Variants in PCBP3 observed in about 807,000 individuals in gnomAD.
The protein encoded by PCBP3 is poly(rC) binding protein 3, also known as poly(rC)-binding protein 3.
Under a neutral mutation model 52.7 loss-of-function variants are expected in PCBP3, and 25 were observed. The ratio of observed to expected loss-of-function variants is 0.47; its 90% confidence interval spans 0.35 to 0.66. The LOEUF (loss-of-function observed/expected upper bound fraction) is 0.66. Ranked by LOEUF, PCBP3 falls within the 30% of genes least tolerant of loss-of-function variation. The pLI is 0.01. For synonymous variants in PCBP3, 162 were observed against 183.0 expected, an observed-to-expected ratio of 0.89 and a Z score of 0.93; for missense variants, 391 against 490.3, an observed-to-expected ratio of 0.80 and a Z score of 1.91.
At position 45,788,170 on chromosome 21, in the gene PCBP3, C is replaced by A. The variant is rs1169409383; in HGVS notation, c.-126+32718C>A. The A allele has an allele frequency of 1.3e-5, 2 of 152,516 alleles. No individual in the cohort carries two copies. Among genetic ancestry groups the A allele is most frequent in the African/African-American group, 4.8e-5 (2 of 41,562 alleles). The allele number at this position is 152,516 out of a possible 1,614,324, so 9.4% of individuals were successfully genotyped here. On this transcript the variant is annotated intron_variant, in intron 4 of 17. Transcript: ENST00000681687. This position sits in a 1 kb window ranked among gnomAD's most constrained non-coding sequence, Gnocchi z 4.3. ...GTACTGAATTCAAGTAACAAGGTGT[C>A]CTGTGAACCCCCCACAGTCAGATGG...
intron 4 of PCBP3, among the ~76,000 whole-genome samples, chr21:45,784,597 A>G (rs2146180450): frequency 6.6e-6 from 1 of 151,398 alleles, no homozygotes; most frequent in East Asian, 1.9e-4. Flanking sequence ...AGTGCCTGCA[A>G]TTGCAGGCGC....
At chr21:45,939,939 C>G (rs1169336626) in intron 16 of PCBP3, 91 bp from the exon 17 acceptor site, 1 of 1,204,218 alleles carries the variant, frequency 8.3e-7, no homozygotes, top group East Asian at 2.3e-5. Flanking sequence ...GCTGGCGGCC[C>G]GTCCCACCGG....
At position 45,724,995 on chromosome 21, in the gene PCBP3, A is replaced by G. The variant is rs567050682; in HGVS notation, c.-199-10397A>G. Among the ~76,000 whole-genome samples the G allele has an allele frequency of 2.0e-5, 3 of 152,320 alleles. No homozygotes were observed. Among genetic ancestry groups the G allele is most frequent in the Non-Finnish European group, 2.9e-5 (2 of 68,020 alleles). On this transcript the variant is annotated intron_variant, in intron 2 of 17. Coordinates refer to ENST00000681687, the MANE Select transcript of PCBP3 (RefSeq NM_001384156.1). The surrounding 1 kb of genome is among the most constrained non-coding windows in gnomAD (Gnocchi z 5.3). ...TGAGCCGTTAAGTATGGCAGTTTGTATCATGGTTAAATCTGCAGAAGGTGT... is the reference window on the plus strand; with the variant it reads ...TGAGCCGTTAAGTATGGCAGTTTGTGTCATGGTTAAATCTGCAGAAGGTGT...
At chr21:45,644,283 A>G (rs1056646500) in intron 1 of PCBP3, among the ~76,000 whole-genome samples, 2 of 151,506 alleles carry the variant, frequency 1.3e-5, no homozygotes, top group Non-Finnish European at 2.9e-5. Flanking sequence ...CGGCGGCTGG[A>G]GGGCGGCGGG....
At chr21:45,938,227 C>T (rs1199246117) in intron 16 of PCBP3, among the ~76,000 whole-genome samples, 3 of 152,250 alleles carry the variant, frequency 2.0e-5, no homozygotes, top group Non-Finnish European at 2.9e-5. Context: ...CAAGGCTTTC[C>T]GTGCTGTGCG....
At chr21:45,767,430 A>G (rs142367118) in intron 4 of PCBP3, among the ~76,000 whole-genome samples, 122 of 152,224 alleles carry the variant, frequency 8.0e-4, no homozygotes, top group African/African-American at 2.9e-3. Context: ...TACCACATCC[A>G]CTTATTGATT....
chr21:45,935,630 GA>G, intron 16 of PCBP3: 1 of 444,190 alleles, frequency 2.3e-6, no homozygotes, highest in Non-Finnish European at 4.3e-6. Context: ...GCCAAACCTT[GA>G]AGAACAAGGT....
chr21:45,757,800 G>A (rs561887451), intron 4 of PCBP3, among the ~76,000 whole-genome samples: 1 of 152,206 alleles, frequency 6.6e-6, no homozygotes, highest in African/African-American at 2.4e-5. Flanking sequence ...CTATGGAATG[G>A]TCTTAGTATT....
intron 2 of PCBP3, among the ~76,000 whole-genome samples, chr21:45,701,857 G>A (rs1224661280): frequency 6.6e-6 from 1 of 152,084 alleles, no homozygotes; most frequent in East Asian, 1.9e-4. Context: ...ACCTCACCCA[G>A]CCCCAAAATA....
chr21:45,740,601 AGTGT>A (rs1266826184), intron 3 of PCBP3, among the ~76,000 whole-genome samples: 2 of 141,860 alleles, frequency 1.4e-5, no homozygotes, highest in East Asian at 2.0e-4. Context: ...TGTGCATGTG[AGTGT>A]GTGTGTGGTG....
chr21:45,753,616 T>C (rs1372864502), intron 3 of PCBP3, among the ~76,000 whole-genome samples: 1 of 152,060 alleles, frequency 6.6e-6, no homozygotes, highest in African/African-American at 2.4e-5. Context: ...CTCAACTTTC[T>C]TATTTTTTCT....
chr21:45,834,728 G>A (rs1356034482), intron 4 of PCBP3, among the ~76,000 whole-genome samples: 1 of 152,244 alleles, frequency 6.6e-6, no homozygotes, highest in Admixed American at 6.5e-5. Flanking sequence ...TCTCAGAGGG[G>A]GCCCACGAGG....
chr21:45,713,842 G>A (rs529385596), intron 2 of PCBP3, among the ~76,000 whole-genome samples: 1 of 152,362 alleles, frequency 6.6e-6, no homozygotes, highest in African/African-American at 2.4e-5. Flanking sequence ...CTGTTGTCTT[G>A]GCCCTGCTTC....
chr21:45,784,420 C>CCCTACCTCCTACCT (rs537648185), intron 4 of PCBP3, among the ~76,000 whole-genome samples: 35 of 125,262 alleles, frequency 2.8e-4, no homozygotes, highest in Admixed American at 8.4e-4. Context: ...CTACCGCTAC[C>CCCTACCTCCTACCT]CCTACCTCCT....
chr21:45,824,252 T>A (rs1555957512), intron 4 of PCBP3, among the ~76,000 whole-genome samples: 3 of 152,246 alleles, frequency 2.0e-5, no homozygotes. Flanking sequence ...ATCACATCAC[T>A]GCCCTCAGGT....
chr21:45,781,737 A>C (rs536564172), intron 4 of PCBP3, among the ~76,000 whole-genome samples: 158 of 152,324 alleles, frequency 1.0e-3, no homozygotes, highest in African/African-American at 3.6e-3. Flanking sequence ...GGCTATACAA[A>C]TTGTTGTACA....
In PCBP3 at chr21:45,837,302, G is replaced by A. The variant is rs575522214; in HGVS notation, c.-125-12659G>A. 6.6e-6 allele frequency among the ~76,000 whole-genome samples: 1 copy of A among 152,328 alleles called. No individual in the cohort carries two copies. The highest frequency in any genetic ancestry group is 2.1e-4 in the South Asian group (1 of 4,822). ...CTTTGATGCACCTCCCGCCAGGGAG[G>A]GGATCGTGACCCTCCCTTTAATCTG... On this transcript the variant is annotated intron_variant, in intron 4 of 17. Coordinates refer to ENST00000681687, the MANE Select transcript of PCBP3 (RefSeq NM_001384156.1). This position sits in a 1 kb window ranked among gnomAD's most constrained non-coding sequence, Gnocchi z 4.1.
At chr21:45,936,984 A>G (rs1386612611) in intron 16 of PCBP3, among the ~76,000 whole-genome samples, 1 of 152,186 alleles carries the variant, frequency 6.6e-6, no homozygotes, top group Non-Finnish European at 1.5e-5. Context: ...GGAAAAGGCT[A>G]TTGACGACAC....
chr21:45,807,514 A>G (rs2092545809), intron 4 of PCBP3, among the ~76,000 whole-genome samples: 1 of 152,214 alleles, frequency 6.6e-6, no homozygotes, highest in South Asian at 2.1e-4. Context: ...ACTACAAACC[A>G]CTGCTCAAGG....
Sources: allele counts gnomAD v4.1 joint callset (sites outside exome capture counted in the v4.1 genomes callset), GRCh38; gene constraint gnomAD v4.1.1; non-coding constraint Gnocchi (gnomAD v3.1); transcripts MANE v1.5; gene names NCBI Gene and HGNC (gene_info 2026-07-23, HGNC 2026-07-21).